The following RASAL3 variants were observed in gnomAD, a reference collection of about 807,000 sequenced individuals.
RASAL3 encodes the protein RAS protein activator like 3, also known as RAS protein activator like-3.
In RASAL3, 74 loss-of-function variants were observed where a neutral mutation model predicts 105.5. The ratio of observed to expected loss-of-function variants is 0.70; its 90% CI spans 0.58 to 0.85. The LOEUF (loss-of-function observed/expected upper bound fraction) is 0.85. Among genes scored for constraint, RASAL3 ranks in the 40% least tolerant of loss-of-function variants. The pLI, the probability that RASAL3 is intolerant of heterozygous loss-of-function variation, is 0.00. For synonymous variants in RASAL3, 579 were observed against 591.6 expected (o/e 0.98, Z 0.31); for missense variants, 1,352 against 1,392.0 (o/e 0.97, Z 0.46).
rs1043531115 is a variant in RASAL3 at position 15,454,549 on chromosome 19, C to T, written c.1972G>A (p.Glu658Lys). The T allele has an allele frequency of 3.0e-5, 49 of 1,613,986 alleles. No individual in the cohort carries two copies. Among genetic ancestry groups the T allele is most frequent in the Non-Finnish European group, 4.2e-5 (49 of 1,179,880 alleles). Reference protein sequence around the residue: ...LANRAPFGEKEAYMGFMNSFL... With the variant: ...LANRAPFGEKKAYMGFMNSFL... ...CTATTCATGAAGCCCATGTAGGCCT[C>T]CTTCTCACCGAACCTGGATCAGGGC... Residue 658 changes from glutamate (E) to lysine (K), a missense_variant, in exon 13 of 18, where the codon GAG (glutamate) becomes AAG (lysine). By Grantham distance (56) the Glu-to-Lys change is moderately conservative. Transcript: ENST00000343625.
intron 6 of RASAL3, 96 bp from the exon 7 acceptor site, chr19:15,458,751 A>G: frequency 6.8e-7 from 1 of 1,467,420 alleles, no homozygotes; most frequent in South Asian, 1.3e-5. Context: ...ACTTCAACCC[A>G]ATTCGGATCC....
chr19:15,459,395 G>A (rs889172520), intron 6 of RASAL3, among the ~76,000 whole-genome samples: 3 of 148,740 alleles, frequency 2.0e-5, no homozygotes, highest in East Asian at 2.0e-4. Flanking sequence ...ACAGGCATTC[G>A]CCACCATGCC....
chr19:15,457,439 C>A lies in RASAL3; in HGVS notation c.1284G>T (p.Pro428=), dbSNP rs886657298. 15 of 1,423,056 alleles carry A rather than the reference C, an allele frequency of 1.1e-5. No homozygotes were observed. In the African/African-American group the frequency reaches 2.3e-4, roughly 22 times the overall value. The allele number at this position is 1,423,056 out of a possible 1,614,324, so 88.2% of individuals were successfully genotyped here. The change falls in exon 9 of 18, where the codon CCG becomes CCT. Residue 428 remains proline (P), a synonymous_variant. Transcript: ENST00000343625. This position sits in a 1 kb window ranked among gnomAD's most constrained non-coding sequence, Gnocchi z 8.6. ...RIRARRLRVL[P]SERYKELAEF... is the part of the protein sequence containing the mutation. Reference sequence around the variant, plus strand: ...CCGCCAGCTCCTTGTAGCGCTCGGACGGCAGCACGCGCAGGCGACGCGCCC... The same window carrying A: ...CCGCCAGCTCCTTGTAGCGCTCGGAAGGCAGCACGCGCAGGCGACGCGCCC...
Position 15,456,549 on chromosome 19 carries a change from T to C in RASAL3, c.1529A>G (p.Asp510Gly), listed in dbSNP as rs866693220. The change falls in exon 10 of 18, where the codon GAT becomes GGT. Residue 510 changes from aspartate (D) to glycine (G), a missense_variant. Physicochemically the swap from Asp to Gly is moderately conservative, Grantham distance 94. This residue lies in a region of RASAL3 where 920 missense variants were observed against 919.6 expected (regional missense o/e 1.00). Coordinates refer to ENST00000343625, the MANE Select transcript of RASAL3 (RefSeq NM_022904.3). The surrounding 1 kb of genome is among the most constrained non-coding windows in gnomAD (Gnocchi z 4.4). ...CTGTGCCACGAGCTTCATGTACTCA[T>C]CGATAGCCTTGGTGGCCAATGTGTT... ...RENTLATKAI[D>G]EYMKLVAQDY... 6.2e-7 allele frequency: 1 copy of C among 1,613,832 alleles called. No individual in the cohort carries two copies. Among genetic ancestry groups the C allele is most frequent in the Middle Eastern group, 1.6e-4 (1 of 6,062 alleles).
Position 15,456,505 on chromosome 19 carries a change from G to C in RASAL3, c.1573C>G (p.Leu525Val), listed in dbSNP as rs776373428. ...LVAQDYLQET[L>V]GQVVRRLCAS... ...CATGGACTCTCCCCCAGCTCACCCA[G>C]GGTCTCCTGGAGGTAATCCTGTGCC... The change falls in exon 10 of 18, where the codon CTG (leucine) becomes GTG (valine). Residue 525 changes from leucine (L) to valine (V), a missense_variant. This residue lies in a region of RASAL3 where 920 missense variants were observed against 919.6 expected (regional missense o/e 1.00). Transcript: ENST00000343625. This position sits in a 1 kb window ranked among gnomAD's most constrained non-coding sequence, Gnocchi z 4.4. 1 of 1,613,624 alleles carries C rather than the reference G, an allele frequency of 6.2e-7. No homozygotes were observed.
intron 5 of RASAL3, 21 bp downstream of exon 5, chr19:15,461,039 C>A: frequency 1.2e-6 from 2 of 1,612,572 alleles, no homozygotes; most frequent in South Asian, 2.2e-5. Context: ...CTCTACCTCC[C>A]ACCTTCACTG....
Position 15,457,410 on chromosome 19 carries a change from A to G in RASAL3, c.1313T>C (p.Phe438Ser). The change falls in exon 9 of 18, where the codon TTC becomes TCC. Residue 438 changes from phenylalanine (F) to serine (S), a missense_variant. By Grantham distance (155) the Phe-to-Ser change is radical. This residue lies in a region of RASAL3 where 920 missense variants were observed against 919.6 expected (regional missense o/e 1.00). Coordinates refer to ENST00000343625, the MANE Select transcript of RASAL3 (RefSeq NM_022904.3). This position sits in a 1 kb window ranked among gnomAD's most constrained non-coding sequence, Gnocchi z 8.6. ...PSERYKELAE[F>S]LTFHYARLCG... Reference sequence around the variant, plus strand: ...GAGGCGCGCATAGTGGAAGGTGAGGAACTCCGCCAGCTCCTTGTAGCGCTC... The same window carrying G: ...GAGGCGCGCATAGTGGAAGGTGAGGGACTCCGCCAGCTCCTTGTAGCGCTC... 6.9e-7 allele frequency: 1 copy of G among 1,450,004 alleles called. No individual in the cohort carries two copies. Among genetic ancestry groups the G allele is most frequent in the Non-Finnish European group, 9.0e-7 (1 of 1,105,264 alleles). 89.8% of individuals were successfully genotyped at this position (1,450,004 alleles called of 1,614,324 possible). A position where few individuals can be genotyped will look rare whatever the true frequency, so the allele number is the denominator to read the frequency against.
rs1970381677 is a variant in RASAL3, at chr19:15,457,978, A to G, written c.889-144T>C. 6.2e-6 allele frequency: 6 copies of G among 971,376 alleles called. No homozygotes were observed. In the South Asian group the frequency reaches 1.0e-4, roughly 16 times the overall value. 60.2% of individuals were successfully genotyped at this position (971,376 alleles called of 1,614,324 possible). On this transcript the variant is annotated intron_variant, in intron 8 of 17. Transcript: ENST00000343625. The surrounding 1 kb of genome is among the most constrained non-coding windows in gnomAD (Gnocchi z 8.6). Reference sequence around the variant, plus strand: ...GGCCTTTGGGGAAAGAAGTGGAGCCACGGGAGTCCGGAGGCGGTTACGCGG... The same window carrying G: ...GGCCTTTGGGGAAAGAAGTGGAGCCGCGGGAGTCCGGAGGCGGTTACGCGG...
intron 6 of RASAL3, among the ~76,000 whole-genome samples, chr19:15,459,756 C>G (rs779784595): frequency 6.6e-6 from 1 of 152,052 alleles, no homozygotes; most frequent in Non-Finnish European, 1.5e-5. Flanking sequence ...AGGCTGGTCT[C>G]GAACTCCTAG....
rs1164571432 is a variant in RASAL3 at position 15,454,503 on chromosome 19, G to T, written c.2018C>A (p.Pro673Gln). ...CTGGTCCAGGAAGCATTGCATGGCTGGTCCATGTTCCTCCAGGAAGCTATT... is the reference window on the plus strand; with the variant it reads ...CTGGTCCAGGAAGCATTGCATGGCTTGTCCATGTTCCTCCAGGAAGCTATT... ...FMNSFLEEHG[P>Q]AMQCFLDQVA... Residue 673 changes from proline to glutamine, a missense_variant, in exon 13 of 18, where the codon CCA (proline) becomes CAA (glutamine). This residue lies in a region of RASAL3 where 920 missense variants were observed against 919.6 expected (regional missense o/e 1.00). Transcript: ENST00000343625. 1 of 1,614,008 alleles carries T rather than the reference G, an allele frequency of 6.2e-7. No individual in the cohort carries two copies. The highest frequency in any genetic ancestry group is 8.5e-7 in the Non-Finnish European group (1 of 1,179,894).
In RASAL3 at chr19:15,456,454, C is replaced by T. The variant is rs1054380839; in HGVS notation, c.1576+48G>A. 3 of 1,607,074 alleles carry T rather than the reference C, an allele frequency of 1.9e-6. No homozygotes were observed. Among genetic ancestry groups the T allele is most frequent in the South Asian group, 1.1e-5 (1 of 90,274 alleles). ...AGGACTCTTAGAACTTCACCCAGGT[C>T]CCCTAGCTCACCAGCAGGCCGCTGA... On this transcript the variant is annotated intron_variant, in intron 10 of 17. Transcript: ENST00000343625. The surrounding 1 kb of genome is among the most constrained non-coding windows in gnomAD (Gnocchi z 4.4).
chr19:15,463,652 A>G (rs1970579818), intron 2 of RASAL3, among the ~76,000 whole-genome samples: 1 of 152,206 alleles, frequency 6.6e-6, no homozygotes, highest in African/African-American at 2.4e-5. Context: ...GGCTCAGAAC[A>G]AAGACACGGA....
rs767588134 is a variant in RASAL3 at position 15,464,165 on chromosome 19, G to A, written c.194C>T (p.Ser65Leu). The A allele has an allele frequency of 3.7e-6, 6 of 1,613,246 alleles. No individual in the cohort carries two copies. Among genetic ancestry groups the A allele is most frequent in the South Asian group, 1.1e-5 (1 of 91,016 alleles). ...PMVSTQPAPR[S>L]IFRRVLSAPP... ...CGCAGATAGGACCCGACGGAATATC[G>A]AGCGAGGGGCTGGCTGGGTGCTGAC... The change falls in exon 2 of 18, where the codon TCG becomes TTG. Residue 65 changes from serine (S) to leucine (L), a missense_variant. Around this residue, in one of 3 missense-constraint regions of RASAL3, gnomAD observed 344 missense variants for 339.6 expected, o/e 1.01. Transcript: ENST00000343625.
chr19:15,464,167 G>A lies in RASAL3; in HGVS notation c.192C>T (p.Arg64=), dbSNP rs750674422. 1 of 1,613,250 alleles carries A rather than the reference G, an allele frequency of 6.2e-7. No individual in the cohort carries two copies. Among genetic ancestry groups the A allele is most frequent in the South Asian group, 1.1e-5 (1 of 91,032 alleles). The change falls in exon 2 of 18, where the codon CGC becomes CGT. Residue 64 remains arginine, a synonymous_variant. Transcript: ENST00000343625. ...EPMVSTQPAP[R]SIFRRVLSAP... is the part of the protein sequence containing the mutation. Reference sequence around the variant, plus strand: ...CAGATAGGACCCGACGGAATATCGAGCGAGGGGCTGGCTGGGTGCTGACCA... The same window carrying A: ...CAGATAGGACCCGACGGAATATCGAACGAGGGGCTGGCTGGGTGCTGACCA...
chr19:15,452,681 A>G lies in RASAL3; in HGVS notation c.2805T>C (p.Asp935=), dbSNP rs757518948. 2 of 1,550,424 alleles carry G rather than the reference A, an allele frequency of 1.3e-6. No individual in the cohort carries two copies. Among genetic ancestry groups the G allele is most frequent in the Non-Finnish European group, 8.7e-7 (1 of 1,146,910 alleles). ...QQEQLRGQLQ[D]LDSRLRAGSS... is the part of the protein sequence containing the mutation. ...ACCCAGCACGGAGCCTGGAGTCCAG[A>G]TCCTGCAGCTGGCCCCGCAGCTGCT... is the stretch of plus-strand genomic sequence containing the variant. Residue 935 remains aspartate, a synonymous_variant, in exon 16 of 18, where the codon GAT becomes GAC. Coordinates refer to ENST00000343625, the MANE Select transcript of RASAL3 (RefSeq NM_022904.3).
At position 15,454,539 on chromosome 19, in the gene RASAL3, A is replaced by C. The variant is rs1373022985; in HGVS notation, c.1982T>G (p.Met661Arg). 8.7e-6 allele frequency: 14 copies of C among 1,614,006 alleles called. No homozygotes were observed. Among genetic ancestry groups the C allele is most frequent in the Non-Finnish European group, 1.2e-5 (14 of 1,179,902 alleles). Residue 661 changes from methionine to arginine, a missense_variant, in exon 13 of 18, where the codon ATG becomes AGG. Physicochemically the swap from Met to Arg is moderately conservative, Grantham distance 91 (BLOSUM62 -1). Coordinates refer to ENST00000343625, the MANE Select transcript of RASAL3 (RefSeq NM_022904.3). ...CTCCAGGAAGCTATTCATGAAGCCC[A>C]TGTAGGCCTCCTTCTCACCGAACCT... ...RAPFGEKEAY[M>R]GFMNSFLEEH...
chr19:15,460,055 T>G (rs1157651382), intron 6 of RASAL3, 148 bp downstream of exon 6: 3 of 674,196 alleles, frequency 4.4e-6, no homozygotes, highest in African/African-American at 3.7e-5. Flanking sequence ...CTGTGCTAGA[T>G]CATTCAATGT....
At chr19:15,451,987 C>G (rs202158014) in intron 17 of RASAL3, 49 bp from the exon 18 acceptor site, 3 of 1,613,376 alleles carry the variant, frequency 1.9e-6, no homozygotes, top group Admixed American at 1.7e-5. Context: ...AGGGCTGCAC[C>G]GCAACCCTTG....
In RASAL3 at chr19:15,456,118, A is replaced by G. The variant is rs766100309; in HGVS notation, c.1707T>C (p.Ile569=). The G allele has an allele frequency of 3.7e-5, 60 of 1,613,724 alleles. No individual in the cohort carries two copies. Among genetic ancestry groups the G allele is most frequent in the Non-Finnish European group, 4.6e-5 (54 of 1,179,754 alleles). The change falls in exon 11 of 18, where the codon ATT becomes ATC. Residue 569 remains isoleucine (I), a synonymous_variant. Transcript: ENST00000343625. The surrounding 1 kb of genome is among the most constrained non-coding windows in gnomAD (Gnocchi z 4.4). ...RNSCEEVFET[I]IHSYDWFPAE... is the part of the protein sequence containing the mutation. ...CTGATTCTCACTCGTAGGAATGGAT[A>G]ATGGTTTCGAAGACCTCCTCGCAGC... is the stretch of plus-strand genomic sequence containing the variant.
Sources: gnomAD v4.1 joint callset for allele counts (sites outside exome capture counted in the v4.1 genomes callset) on GRCh38, gnomAD v4.1.1 for gene constraint, gnomAD v4.1.1 regional missense constraint, Gnocchi (gnomAD v3.1) non-coding constraint, MANE v1.5 for transcripts, NCBI Gene and HGNC (gene_info 2026-07-23, HGNC 2026-07-21) for gene names.